PATJ: variants seen among roughly 807,000 people sequenced by gnomAD.
The protein encoded by PATJ is inaD-like protein.
In PATJ, 190 loss-of-function variants were observed where a neutral mutation model predicts 224.9. The ratio of observed to expected loss-of-function variants is 0.84; its 90% CI spans 0.75 to 0.95. The LOEUF (loss-of-function observed/expected upper bound fraction) is 0.95, where lower values mean the gene tolerates loss of function less well. Among genes scored for constraint, PATJ ranks in the 40% least tolerant of loss-of-function variants. PATJ has a pLI of 0.00. For missense variants in PATJ, 2,121 were observed against 2,270.3 expected (o/e 0.93, Z 1.34); for synonymous variants, 769 against 820.3 (o/e 0.94, Z 1.07).
chr1:61,814,290 C>T lies in PATJ; in HGVS notation c.1683+5760C>T, dbSNP rs900790539. The stretch of plus-strand genomic sequence containing the variant: ...TCCCGAGTAGCTGGGATTACAGGCA[C>T]CTGCTATCACGCCCAGCTAATTTTT... On this transcript the variant is annotated intron_variant, in intron 14 of 43. Coordinates refer to ENST00000642238, the MANE Select transcript of PATJ (RefSeq NM_001350145.3). Among the ~76,000 whole-genome samples the T allele has an allele frequency of 7.8e-4, 119 of 151,786 alleles. 1 individual carries two copies.
intron 17 of PATJ, among the ~76,000 whole-genome samples, chr1:61,838,695 C>G (rs951101690): frequency 3.3e-5 from 5 of 152,032 alleles, no homozygotes; most frequent in African/African-American, 1.2e-4. Flanking sequence ...TTCTAAGCAA[C>G]AAAACTCTTC....
intron 29 of PATJ, among the ~76,000 whole-genome samples, chr1:62,032,104 C>T (rs1212563915): frequency 6.6e-6 from 1 of 152,060 alleles, no homozygotes; most frequent in African/African-American, 2.4e-5. Flanking sequence ...GTTCTCTGCC[C>T]AGGATATCAC....
intron 25 of PATJ, among the ~76,000 whole-genome samples, chr1:61,913,829 G>T (rs1164740884): frequency 6.6e-6 from 1 of 152,152 alleles, no homozygotes; most frequent in Non-Finnish European, 1.5e-5. Flanking sequence ...GATGAATAAG[G>T]TAAATCTGTC....
Position 62,081,782 on chromosome 1 carries a change from G to A in PATJ, c.4243+2215G>A, listed in dbSNP as rs897369483. Among the ~76,000 whole-genome samples, 6 of 152,262 alleles carry A rather than the reference G, an allele frequency of 3.9e-5. No individual in the cohort carries two copies. The East Asian group carries it at 1.2e-3, about 29-fold the overall frequency. On this transcript the variant is annotated intron_variant, in intron 32 of 43. Transcript: ENST00000642238. ...GGGTTTCACCATGTTGGTCAGGCTG[G>A]TATCAAACTCCTGAACTCAGGTGAT... is the stretch of plus-strand genomic sequence containing the variant.
rs371850218 is a variant in PATJ at position 62,062,164 on chromosome 1, A to C, written c.4125+11106A>C. ...ATTTTTAGTTCTTTGAGAAATCTCT[A>C]AAGTGCTTGCCACAGTGGCTGAACT... On this transcript the variant is annotated intron_variant, in intron 31 of 43. Coordinates refer to ENST00000642238, the MANE Select transcript of PATJ (RefSeq NM_001350145.3). Among the ~76,000 whole-genome samples the C allele has an allele frequency of 5.3e-5, 8 of 152,074 alleles. No homozygotes were observed. The East Asian group carries it at 1.5e-3, about 29-fold the overall frequency.
intron 33 of PATJ, among the ~76,000 whole-genome samples, chr1:62,096,135 C>G (rs1661370265): frequency 6.6e-6 from 1 of 152,152 alleles, no homozygotes; most frequent in African/African-American, 2.4e-5. Context: ...TCTTGTTTAC[C>G]TGTTCAACTA....
At chr1:61,787,402 G>A (rs544799648) in intron 7 of PATJ, among the ~76,000 whole-genome samples, 26 of 152,320 alleles carry the variant, frequency 1.7e-4, no homozygotes, top group Middle Eastern at 3.4e-3. Context: ...TTATGCTGGA[G>A]GCTTCTGTTC....
chr1:62,139,399 C>CAAAAAA (rs4019658), intron 41 of PATJ, among the ~76,000 whole-genome samples: 1 of 94,894 alleles, frequency 1.1e-5, no homozygotes, highest in South Asian at 4.6e-4. Context: ...GACTCCATCT[C>CAAAAAA]AAAAAAAAAA....
At chr1:61,766,578 T>G (rs1646285682) in intron 4 of PATJ, 105 bp downstream of exon 4, 1 of 722,670 alleles carries the variant, frequency 1.4e-6, no homozygotes, top group Admixed American at 3.4e-5. Context: ...TATTAGTATG[T>G]ATTTTGCTTG....
At chr1:61,827,765 C>A (rs989491659) in intron 16 of PATJ, among the ~76,000 whole-genome samples, 182 bp downstream of exon 16, 3 of 152,270 alleles carry the variant, frequency 2.0e-5, no homozygotes, top group African/African-American at 7.2e-5. Flanking sequence ...AAAATTCTTT[C>A]CTTCCCTTTC....
intron 10 of PATJ, among the ~76,000 whole-genome samples, chr1:61,795,778 A>T (rs548872389): frequency 1.4e-5 from 2 of 146,500 alleles, no homozygotes; most frequent in Non-Finnish European, 3.1e-5. Flanking sequence ...ACATATTGGT[A>T]AAAAAGTATA....
At chr1:62,030,662 G>A (rs1649073721) in intron 29 of PATJ, among the ~76,000 whole-genome samples, 1 of 152,130 alleles carries the variant, frequency 6.6e-6, no homozygotes, top group Non-Finnish European at 1.5e-5. Context: ...GATTGCTGGT[G>A]TCCCTTTACA....
chr1:61,779,176 A>C (rs1043041567), intron 7 of PATJ, among the ~76,000 whole-genome samples: 1 of 152,268 alleles, frequency 6.6e-6, no homozygotes, highest in African/African-American at 2.4e-5. Context: ...AAACAGAACC[A>C]ATAGGACATG....
chr1:61,751,469 AT>A (rs1202180082), intron 1 of PATJ, among the ~76,000 whole-genome samples: 1 of 152,000 alleles, frequency 6.6e-6, no homozygotes, highest in East Asian at 1.9e-4. Context: ...AAGTGTGAAA[AT>A]TGCCCAGATT....
At chr1:61,954,481 A>G (rs1258326568) in intron 27 of PATJ, among the ~76,000 whole-genome samples, 1 of 152,166 alleles carries the variant, frequency 6.6e-6, no homozygotes, top group African/African-American at 2.4e-5. Context: ...TTTGATATAT[A>G]TAAGTATAGG....
At chr1:61,820,970 AATG>A (rs67425455) in intron 14 of PATJ, among the ~76,000 whole-genome samples, 13,354 of 152,206 alleles carry the variant, frequency 0.088, 735 homozygotes, top group East Asian at 0.2. Context: ...GATTTGGTAC[AATG>A]ACAGGAGAAT....
chr1:62,072,966 A>T, intron 31 of PATJ: 3 of 868,488 alleles, frequency 3.5e-6, no homozygotes, highest in Non-Finnish European at 4.1e-6. Flanking sequence ...CTGAAATTGG[A>T]AAGTGCGGTT....
At chr1:61,891,332 A>G (rs1557830566) in intron 22 of PATJ, among the ~76,000 whole-genome samples, 2 of 152,236 alleles carry the variant, frequency 1.3e-5, no homozygotes. Context: ...TGCCTTCTAC[A>G]TAAATGGTGG....
At chr1:62,145,159 C>T (rs1667918424) in intron 41 of PATJ, among the ~76,000 whole-genome samples, 1 of 152,204 alleles carries the variant, frequency 6.6e-6, no homozygotes. Flanking sequence ...AGGCAAATCT[C>T]AGGGAGTCAG....
Sources: gnomAD v4.1 joint callset for allele counts (sites outside exome capture counted in the v4.1 genomes callset) on GRCh38, gnomAD v4.1.1 for gene constraint, MANE v1.5 for transcripts, NCBI Gene and HGNC (gene_info 2026-07-23, HGNC 2026-07-21) for gene names.